The following TNFRSF19 variants were observed in gnomAD, a reference collection of about 807,000 sequenced individuals.
TNFRSF19 encodes the protein TNF receptor superfamily member 19.
Under a neutral mutation model 46.4 loss-of-function variants are expected in TNFRSF19, and 27 were observed. That is an observed-to-expected ratio of 0.58 (90% confidence interval 0.43 to 0.80). The LOEUF (loss-of-function observed/expected upper bound fraction) is 0.80, where lower values mean the gene tolerates loss of function less well. Among genes scored for constraint, TNFRSF19 ranks in the 30% least tolerant of loss-of-function variants. TNFRSF19 has a pLI of 0.00. For missense variants in TNFRSF19, 511 were observed against 530.8 expected (o/e 0.96, Z 0.37); for synonymous variants, 204 against 205.0 (o/e 1.00, Z 0.04).
intron 4 of TNFRSF19, among the ~76,000 whole-genome samples, chr13:23,618,002 C>A (rs994301551): frequency 5.3e-5 from 8 of 152,196 alleles, no homozygotes; most frequent in Admixed American, 2.6e-4. Flanking sequence ...AGCTCTGGGC[C>A]TGAAGGGTGG....
intron 5 of TNFRSF19, 54 bp downstream of exon 5, chr13:23,626,846 G>C: frequency 6.3e-7 from 1 of 1,574,886 alleles, no homozygotes; most frequent in Non-Finnish European, 8.7e-7. Context: ...TTTTGAAAAA[G>C]TTTAAATTTG....
At chr13:23,574,027 A>G (rs2138128543) in intron 1 of TNFRSF19, among the ~76,000 whole-genome samples, 1 of 140,310 alleles carries the variant, frequency 7.1e-6, no homozygotes, top group Middle Eastern at 4.0e-3. Flanking sequence ...GCGCCACTGC[A>G]CTCCAGCCTG....
At chr13:23,656,121 A>G (rs1001712749) in intron 5 of TNFRSF19, among the ~76,000 whole-genome samples, 4 of 152,188 alleles carry the variant, frequency 2.6e-5, no homozygotes, top group South Asian at 4.1e-4. Flanking sequence ...GGTGTCAAAA[A>G]TCAAGAAGTA....
intron 3 of TNFRSF19, among the ~76,000 whole-genome samples, chr13:23,604,048 AG>A (rs1490422246): frequency 6.6e-6 from 1 of 152,080 alleles, no homozygotes; most frequent in East Asian, 1.9e-4. Flanking sequence ...CTGATTTGGA[AG>A]GAAGAAATAA....
At position 23,604,350 on chromosome 13, in the gene TNFRSF19, T is replaced by G. The variant is rs369516572; in HGVS notation, c.180+10895T>G. On this transcript the variant is annotated intron_variant, in intron 3 of 9. Transcript: ENST00000248484. The stretch of plus-strand genomic sequence containing the variant: ...AATTACAAGACTCTGATGAAAGAAA[T>G]AAAAGAAGAACTAAATAAATGGAGA... Among the ~76,000 whole-genome samples, 4 of 150,186 alleles carry G rather than the reference T, an allele frequency of 2.7e-5. No homozygotes were observed. In the East Asian group the frequency reaches 7.9e-4, roughly 30 times the overall value.
intron 4 of TNFRSF19, among the ~76,000 whole-genome samples, chr13:23,624,228 C>T (rs1188954537): frequency 2.6e-5 from 4 of 152,046 alleles, no homozygotes; most frequent in African/African-American, 9.7e-5. Context: ...CTTGTCTATT[C>T]CACTGGTCTA....
intron 1 of TNFRSF19, among the ~76,000 whole-genome samples, chr13:23,589,078 T>C (rs3794359): frequency 0.25 from 37,983 of 152,144 alleles, 5,329 homozygotes; most frequent in African/African-American, 0.37. Flanking sequence ...GTTCTGGTTC[T>C]GTGCTCTGGT....
chr13:23,655,209 A>G (rs1475928852), intron 5 of TNFRSF19, among the ~76,000 whole-genome samples: 1 of 152,198 alleles, frequency 6.6e-6, no homozygotes, highest in Non-Finnish European at 1.5e-5. Flanking sequence ...GCCTTGTAGG[A>G]TGTCGTACTC....
chr13:23,641,434 G>A (rs1883027345), intron 5 of TNFRSF19, among the ~76,000 whole-genome samples: 1 of 152,188 alleles, frequency 6.6e-6, no homozygotes, highest in Non-Finnish European at 1.5e-5. Context: ...CCACGTTCAA[G>A]TGTTTCTCCT....
chr13:23,659,279 C>A lies in TNFRSF19; in HGVS notation c.610+65C>A, dbSNP rs1429865502. On this transcript the variant is annotated intron_variant, in intron 6 of 9. Transcript: ENST00000248484. This position sits in a 1 kb window ranked among gnomAD's most constrained non-coding sequence, Gnocchi z 4.9. ...AAGGGCATTTATTACTATTGTCGTGCAAGTGTTCCACAAGAGACTTGGCTG... is the reference window on the plus strand; with the variant it reads ...AAGGGCATTTATTACTATTGTCGTGAAAGTGTTCCACAAGAGACTTGGCTG... 2.6e-6 allele frequency: 4 copies of A among 1,521,176 alleles called. No homozygotes were observed. The highest frequency in any genetic ancestry group is 2.7e-6 in the Non-Finnish European group (3 of 1,123,406). 94.2% of individuals were successfully genotyped at this position (1,521,176 alleles called of 1,614,324 possible). A position where few individuals can be genotyped will look rare whatever the true frequency, so the allele number is the denominator to read the frequency against.
At chr13:23,669,515 G>A (rs754287878) in intron 9 of TNFRSF19, 8 of 985,178 alleles carry the variant, frequency 8.1e-6, no homozygotes, top group African/African-American at 1.7e-5. Flanking sequence ...AAGTTTATGT[G>A]AATTTTGGTC....
At chr13:23,658,475 A>G (rs1253386962) in intron 5 of TNFRSF19, among the ~76,000 whole-genome samples, 2 of 152,142 alleles carry the variant, frequency 1.3e-5, no homozygotes, top group Admixed American at 6.5e-5. Flanking sequence ...TAGTGTAATA[A>G]CAGTATTAGT....
intron 5 of TNFRSF19, among the ~76,000 whole-genome samples, chr13:23,635,103 C>G (rs1353356085): frequency 6.6e-6 from 1 of 152,068 alleles, no homozygotes; most frequent in Non-Finnish European, 1.5e-5. Context: ...TAGGTGAGTC[C>G]TACCCCAGGC....
chr13:23,631,071 C>T (rs1365833743), intron 5 of TNFRSF19, among the ~76,000 whole-genome samples: 2 of 151,248 alleles, frequency 1.3e-5, no homozygotes, highest in Admixed American at 1.3e-4. Flanking sequence ...GTTGTTTGCA[C>T]CAATAAGTAA....
At chr13:23,581,127 C>CTTTTTTTTTTT (rs1226042943) in intron 1 of TNFRSF19, among the ~76,000 whole-genome samples, 3 of 123,244 alleles carry the variant, frequency 2.4e-5, no homozygotes, top group African/African-American at 8.8e-5. Flanking sequence ...TTCTTTTTTT[C>CTTTTTTTTTTT]TTTTCTTTTT....
At chr13:23,571,638 A>C (rs1223660670) in intron 1 of TNFRSF19, among the ~76,000 whole-genome samples, 1 of 152,172 alleles carries the variant, frequency 6.6e-6, no homozygotes, top group Non-Finnish European at 1.5e-5. Flanking sequence ...TATCTGAGTA[A>C]TCAACAGTTA....
intron 6 of TNFRSF19, 72 bp from the exon 7 acceptor site, chr13:23,660,292 CA>C: frequency 1.4e-6 from 2 of 1,432,100 alleles, no homozygotes; most frequent in Non-Finnish European, 1.9e-6. Flanking sequence ...TTTAAAAATA[CA>C]AAAGCTAGAA....
At chr13:23,584,781 A>C (rs890919626) in intron 1 of TNFRSF19, among the ~76,000 whole-genome samples, 11 of 152,154 alleles carry the variant, frequency 7.2e-5, no homozygotes, top group Non-Finnish European at 1.2e-4. Flanking sequence ...AACCATTCTC[A>C]TTTTCCAGCC....
At chr13:23,575,026 TGATAAA>T (rs1309225735) in intron 1 of TNFRSF19, among the ~76,000 whole-genome samples, 5 of 152,236 alleles carry the variant, frequency 3.3e-5, no homozygotes, top group African/African-American at 1.2e-4. Flanking sequence ...AGAGGAGTTC[TGATAAA>T]GATAGTTTTC....
Sources: gnomAD v4.1 joint callset for allele counts (sites outside exome capture counted in the v4.1 genomes callset) on GRCh38, gnomAD v4.1.1 for gene constraint, Gnocchi (gnomAD v3.1) non-coding constraint, MANE v1.5 for transcripts, NCBI Gene and HGNC (gene_info 2026-07-23, HGNC 2026-07-21) for gene names.